FARS2: variants seen among roughly 807,000 people sequenced by gnomAD.
FARS2 encodes phenylalanyl-tRNA synthetase 2, mitochondrial.
In FARS2, 40 loss-of-function variants were observed where a neutral mutation model predicts 46.4. That is an observed-to-expected ratio of 0.86 (90% CI 0.67 to 1.12). FARS2 has a LOEUF of 1.12. Among genes scored for constraint, FARS2 ranks in the 50% most tolerant of loss-of-function variants. The pLI is 0.00. For missense variants in FARS2, 513 were observed against 567.9 expected (o/e 0.90, Z 0.98); for synonymous variants, 234 against 214.9 (o/e 1.09, Z -0.78).
intron 6 of FARS2, among the ~76,000 whole-genome samples, chr6:5,755,253 G>A (rs1179506121): frequency 6.6e-6 from 1 of 152,062 alleles, no homozygotes. Context: ...AGAACATGCA[G>A]TTTTCTTACA....
At chr6:5,753,915 G>A (rs966075456) in intron 6 of FARS2, among the ~76,000 whole-genome samples, 4 of 152,190 alleles carry the variant, frequency 2.6e-5, no homozygotes, top group African/African-American at 9.6e-5. Flanking sequence ...AATAGTATGA[G>A]ATTGCCTACA....
intron 4 of FARS2, among the ~76,000 whole-genome samples, chr6:5,486,461 G>A (rs1766782600): frequency 6.6e-6 from 1 of 152,084 alleles, no homozygotes; most frequent in African/African-American, 2.4e-5. Flanking sequence ...AAAAATTTGT[G>A]GTAAATCTTT....
chr6:5,556,378 C>T (rs1039123473), intron 5 of FARS2, among the ~76,000 whole-genome samples: 5 of 151,998 alleles, frequency 3.3e-5, no homozygotes, highest in Non-Finnish European at 5.9e-5. Context: ...AGGAAACATG[C>T]GCTGTTCTGA....
chr6:5,304,355 C>T (rs961426861), intron 1 of FARS2, among the ~76,000 whole-genome samples: 4 of 152,162 alleles, frequency 2.6e-5, no homozygotes, highest in African/African-American at 4.8e-5. Flanking sequence ...TTGACATGTG[C>T]GTTACTTCCA....
chr6:5,365,177 C>CTTAT (rs1468329597), intron 1 of FARS2, among the ~76,000 whole-genome samples: 1 of 151,770 alleles, frequency 6.6e-6, no homozygotes, highest in Non-Finnish European at 1.5e-5. Context: ...ATTGGATTTA[C>CTTAT]TTATTCATGC....
intron 6 of FARS2, among the ~76,000 whole-genome samples, chr6:5,697,068 T>C (rs1035160296): frequency 3.3e-5 from 5 of 152,348 alleles, no homozygotes; most frequent in Admixed American, 3.3e-4. Context: ...TCTTATCCAA[T>C]TCCATGTATA....
intron 1 of FARS2, among the ~76,000 whole-genome samples, chr6:5,314,170 A>G (rs1032266407): frequency 6.6e-6 from 1 of 152,172 alleles, no homozygotes; most frequent in African/African-American, 2.4e-5. Context: ...TGGATCGAGG[A>G]GTCTAAGACT....
intron 2 of FARS2, among the ~76,000 whole-genome samples, chr6:5,393,229 A>G (rs1760685028): frequency 6.6e-6 from 1 of 151,728 alleles, no homozygotes; most frequent in South Asian, 2.1e-4. Context: ...GGATTATTAT[A>G]GGCTAACCAT....
chr6:5,405,986 C>CA (rs1248797672), intron 3 of FARS2, among the ~76,000 whole-genome samples: 5 of 152,046 alleles, frequency 3.3e-5, no homozygotes, highest in African/African-American at 1.2e-4. Flanking sequence ...CTTTATTTTT[C>CA]AAAAAATATT....
At chr6:5,712,707 C>T (rs1310739451) in intron 6 of FARS2, among the ~76,000 whole-genome samples, 1 of 152,226 alleles carries the variant, frequency 6.6e-6, no homozygotes, top group Non-Finnish European at 1.5e-5. Context: ...ACCTGCCTGT[C>T]TTCCAGCTCC....
intron 5 of FARS2, among the ~76,000 whole-genome samples, chr6:5,594,340 T>C (rs1319440519): frequency 2.0e-5 from 3 of 152,184 alleles, no homozygotes; most frequent in Non-Finnish European, 4.4e-5. Context: ...ATGTTGTGAA[T>C]TGGTTTTTCT....
intron 4 of FARS2, among the ~76,000 whole-genome samples, chr6:5,432,462 TTA>T (rs1479586638): frequency 3.9e-5 from 5 of 129,148 alleles, no homozygotes; most frequent in Non-Finnish European, 6.3e-5. Flanking sequence ...ATATTATATA[TTA>T]TATATATTTT....
rs1765364370 is a variant in FARS2, at chr6:5,263,890, T to C, written c.-22+2230T>C. Among the ~76,000 whole-genome samples the C allele has an allele frequency of 2.0e-5, 3 of 152,302 alleles. No individual in the cohort carries two copies. In the South Asian group the frequency reaches 6.2e-4, roughly 32 times the overall value. ...AAAATGATGTATAAAGTAAAATTTG[T>C]ATAGTAGTAGTAACTTACGATATTA... On this transcript the variant is annotated intron_variant, in intron 1 of 6. Coordinates refer to ENST00000274680, the MANE Select transcript of FARS2 (RefSeq NM_006567.5).
At chr6:5,607,337 T>G in intron 5 of FARS2, among the ~76,000 whole-genome samples, 1 of 149,052 alleles carries the variant, frequency 6.7e-6, no homozygotes, top group South Asian at 2.2e-4. Context: ...GTGTATTTCT[T>G]AAAGAAGAGA....
At chr6:5,436,773 G>A (rs1763545071) in intron 4 of FARS2, among the ~76,000 whole-genome samples, 1 of 152,156 alleles carries the variant, frequency 6.6e-6, no homozygotes, top group South Asian at 2.1e-4. Context: ...ATCAGAGTCT[G>A]GAGGTCTGGG....
intron 4 of FARS2, among the ~76,000 whole-genome samples, chr6:5,503,679 CTTAGAA>C (rs967602617): frequency 6.6e-6 from 1 of 151,972 alleles, no homozygotes; most frequent in Non-Finnish European, 1.5e-5. Context: ...ATATTGTACT[CTTAGAA>C]TTAGAAGCTG....
chr6:5,705,093 G>A (rs9378983), intron 6 of FARS2, among the ~76,000 whole-genome samples: 52,499 of 152,000 alleles, frequency 0.35, 9,844 homozygotes, highest in East Asian at 0.67. Context: ...ACAGTGCTTT[G>A]TTACGGAAAT....
chr6:5,299,194 T>C (rs185349365), intron 1 of FARS2, among the ~76,000 whole-genome samples: 106 of 152,388 alleles, frequency 7.0e-4, no homozygotes, highest in Middle Eastern at 3.4e-3. Flanking sequence ...CTGAAGACTA[T>C]ACTATGTAGA....
chr6:5,251,306 T>G, the FARS2 span, among the ~76,000 whole-genome samples: 3,017 of 152,310 alleles, frequency 0.02, 91 homozygotes, highest in African/African-American at 0.069. Context: ...GAAAGGTGCT[T>G]GTTAATACTA....
Sources: allele counts gnomAD v4.1 joint callset (sites outside exome capture counted in the v4.1 genomes callset), GRCh38; gene constraint gnomAD v4.1.1; transcripts MANE v1.5; gene names NCBI Gene and HGNC (gene_info 2026-07-23, HGNC 2026-07-21).